ABTB3: variants seen among roughly 807,000 people sequenced by gnomAD.
ABTB3 encodes ankyrin repeat and BTB domain containing 3.
chr12:107,460,381 G>A, the ABTB3 span, among the ~76,000 whole-genome samples: 604 of 152,340 alleles, frequency 4.0e-3, 7 homozygotes, highest in African/African-American at 0.014. Flanking sequence ...CTGGCTGGGC[G>A]TGGTGGCTCA....
chr12:107,355,032 T>C, the ABTB3 span, among the ~76,000 whole-genome samples: 1 of 152,272 alleles, frequency 6.6e-6, no homozygotes, highest in East Asian at 1.9e-4. Flanking sequence ...ATGCATGTGC[T>C]ACCCCAGGAG....
chr12:107,641,321 T>A, the ABTB3 span, among the ~76,000 whole-genome samples: 1 of 152,202 alleles, frequency 6.6e-6, no homozygotes, highest in Non-Finnish European at 1.5e-5. Context: ...TTCTTAGTTT[T>A]GACAAAGGTA....
At chr12:107,422,287 AAGATGGGTCAGAGAGGG>A in the ABTB3 span, among the ~76,000 whole-genome samples, 8 of 152,276 alleles carry the variant, frequency 5.3e-5, no homozygotes, top group East Asian at 7.7e-4. Flanking sequence ...AGAGTGATGG[AAGATGGGTCAGAGAGGG>A]AGATGGGTCA....
At chr12:107,649,473 C>T in the ABTB3 span, 3 of 568,032 alleles carry the variant, frequency 5.3e-6, no homozygotes, top group Non-Finnish European at 9.5e-6. Context: ...AGAGACCTTC[C>T]CTGGCAGGCT....
the ABTB3 span, among the ~76,000 whole-genome samples, chr12:107,360,269 T>C: frequency 1.3e-5 from 2 of 151,948 alleles, no homozygotes; most frequent in Non-Finnish European, 2.9e-5. Context: ...CAGAAAGAGA[T>C]AGTAAGTGGT....
the ABTB3 span, among the ~76,000 whole-genome samples, chr12:107,507,385 G>A: frequency 2.0e-5 from 3 of 152,148 alleles, no homozygotes; most frequent in African/African-American, 7.2e-5. Context: ...AATGATATGG[G>A]GCGATGCACT....
chr12:107,544,129 C>G, the ABTB3 span: 9 of 1,613,818 alleles, frequency 5.6e-6, no homozygotes, highest in Non-Finnish European at 7.6e-6. Flanking sequence ...AGTCAACCTC[C>G]AGGTGGAAAG....
At chr12:107,363,497 C>T in the ABTB3 span, among the ~76,000 whole-genome samples, 2 of 152,178 alleles carry the variant, frequency 1.3e-5, no homozygotes, top group Admixed American at 6.5e-5. Flanking sequence ...GATGAGAACA[C>T]TAATTAAACT....
the ABTB3 span, among the ~76,000 whole-genome samples, chr12:107,603,891 C>T: frequency 6.6e-6 from 1 of 152,112 alleles, no homozygotes; most frequent in African/African-American, 2.4e-5. Context: ...GAGTGAGGGC[C>T]GGGCGTGGTG....
At chr12:107,522,638 C>T in the ABTB3 span, among the ~76,000 whole-genome samples, 11 of 151,538 alleles carry the variant, frequency 7.3e-5, no homozygotes, top group Admixed American at 1.3e-4. Flanking sequence ...CTGATGTAAC[C>T]CCAGCACCAG....
chr12:107,634,174 G>A, the ABTB3 span, among the ~76,000 whole-genome samples: 3 of 152,172 alleles, frequency 2.0e-5, no homozygotes, highest in Non-Finnish European at 4.4e-5. Context: ...CAAGCTGTAT[G>A]CTTCTGCCTC....
At chr12:107,592,930 A>AC in the ABTB3 span, among the ~76,000 whole-genome samples, 2 of 152,338 alleles carry the variant, frequency 1.3e-5, no homozygotes, top group Admixed American at 1.3e-4. Flanking sequence ...ATTAACAATA[A>AC]AAGTTGTCTA....
chr12:107,320,322 G>A, the ABTB3 span, among the ~76,000 whole-genome samples: 6 of 152,356 alleles, frequency 3.9e-5, no homozygotes, highest in South Asian at 6.2e-4. Flanking sequence ...CCCGGTGCGG[G>A]GCGGGGCGAC....
chr12:107,488,788 G>C, the ABTB3 span, among the ~76,000 whole-genome samples: 1 of 151,970 alleles, frequency 6.6e-6, no homozygotes, highest in African/African-American at 2.4e-5. Flanking sequence ...ACTTTGTTCT[G>C]AAGAGAGGAA....
the ABTB3 span, among the ~76,000 whole-genome samples, chr12:107,460,201 C>G: frequency 7.2e-5 from 11 of 152,212 alleles, no homozygotes; most frequent in Non-Finnish European, 1.0e-4. Context: ...AGGGAAAAGG[C>G]CTGGGTTCTA....
the ABTB3 span, among the ~76,000 whole-genome samples, chr12:107,421,814 G>A: frequency 1.3e-5 from 2 of 152,084 alleles, no homozygotes; most frequent in Non-Finnish European, 2.9e-5. Context: ...TGGAGAAACT[G>A]ATGGACCAGA....
At chr12:107,530,767 A>G in the ABTB3 span, among the ~76,000 whole-genome samples, 33 of 152,270 alleles carry the variant, frequency 2.2e-4, no homozygotes, top group Non-Finnish European at 4.4e-4. Flanking sequence ...CTTGTTTGTC[A>G]AATTTTGGAT....
At chr12:107,590,833 T>TA in the ABTB3 span, among the ~76,000 whole-genome samples, 1 of 152,194 alleles carries the variant, frequency 6.6e-6, no homozygotes, top group Non-Finnish European at 1.5e-5. Context: ...AAACAGGGAT[T>TA]TATTGATTAT....
the ABTB3 span, among the ~76,000 whole-genome samples, chr12:107,576,491 TCTC>T: frequency 6.6e-6 from 1 of 152,166 alleles, no homozygotes; most frequent in African/African-American, 2.4e-5. Context: ...CGTGTCCTGA[TCTC>T]CTCTTCTTCT....
Sources: gnomAD v4.1 joint callset for allele counts (sites outside exome capture counted in the v4.1 genomes callset) on GRCh38, gnomAD v4.1.1 for gene constraint, MANE v1.5 for transcripts, NCBI Gene and HGNC (gene_info 2026-07-23, HGNC 2026-07-21) for gene names.